AIG1: variants seen among roughly 807,000 people sequenced by gnomAD.
The protein encoded by AIG1 is androgen-induced gene 1 protein.
A neutral mutation model predicts 31.4 loss-of-function variants in AIG1; 23 were observed. The ratio of observed to expected loss-of-function variants is 0.73; its 90% CI spans 0.53 to 1.04. The LOEUF is 1.04. Ranked by LOEUF, AIG1 falls within the 50% of genes least tolerant of loss-of-function variation. The pLI is 0.00. For missense variants in AIG1, 274 were observed against 295.0 expected (o/e 0.93, Z 0.52); for synonymous variants, 100 against 110.5 (o/e 0.90, Z 0.60).
At chr6:143,202,683 C>A (rs1335272184) in intron 3 of AIG1, among the ~76,000 whole-genome samples, 3 of 152,098 alleles carry the variant, frequency 2.0e-5, no homozygotes, top group Non-Finnish European at 4.4e-5. Flanking sequence ...GTTCTGCATT[C>A]CCTCGTGCCC....
In AIG1 at chr6:143,186,254, A is replaced by C. The variant is rs17591022; in HGVS notation, c.399+21071A>C. Among the ~76,000 whole-genome samples the C allele has an allele frequency of 3.2e-3, 489 of 152,380 alleles. 13 individuals carry two copies. In the East Asian group the frequency reaches 0.062, roughly 19 times the overall value. On this transcript the variant is annotated intron_variant, in intron 3 of 5. Coordinates refer to ENST00000357847, the MANE Select transcript of AIG1 (RefSeq NM_016108.4). The stretch of plus-strand genomic sequence containing the variant: ...CATTATATTTCACCAAACATATTTC[A>C]TTAAGTCACTGATAAACATTCCTGG...
rs1012121174 is a variant in AIG1, at chr6:143,305,676, C to T, written c.515+21451C>T. ...GGTCAATTTTGGAATAGGTGTGGTG[C>T]GGTGCTGAAAAAAATGTATATTCTG... On this transcript the variant is annotated intron_variant, in intron 4 of 5. Transcript: ENST00000357847. Among the ~76,000 whole-genome samples the T allele has an allele frequency of 1.1e-3, 161 of 151,968 alleles. 1 individual carries two copies. Among genetic ancestry groups the T allele is most frequent in the African/African-American group, 3.5e-3 (146 of 41,408 alleles).
At chr6:143,248,914 C>A (rs1794798465) in intron 3 of AIG1, among the ~76,000 whole-genome samples, 1 of 152,156 alleles carries the variant, frequency 6.6e-6, no homozygotes, top group African/African-American at 2.4e-5. Flanking sequence ...AACAAAACAA[C>A]CCTGTCACCT....
At chr6:143,337,660 G>A (rs955029248) in intron 5 of AIG1, among the ~76,000 whole-genome samples, 8 of 152,132 alleles carry the variant, frequency 5.3e-5, no homozygotes, top group Admixed American at 3.9e-4. Context: ...GTAGGCAAGC[G>A]GGGAGACAGG....
chr6:143,166,978 T>C (rs1787025617), intron 3 of AIG1, among the ~76,000 whole-genome samples: 1 of 152,184 alleles, frequency 6.6e-6, no homozygotes, highest in African/African-American at 2.4e-5. Flanking sequence ...AACAGTTACA[T>C]TGTATAGCTT....
chr6:143,118,260 A>G (rs747991436), intron 1 of AIG1, among the ~76,000 whole-genome samples: 15 of 152,134 alleles, frequency 9.9e-5, no homozygotes, highest in Admixed American at 6.5e-4. Flanking sequence ...GGAGATCGAG[A>G]GCATCCTGGC....
chr6:143,124,770 T>A (rs373137789), intron 1 of AIG1, among the ~76,000 whole-genome samples: 24 of 152,054 alleles, frequency 1.6e-4, no homozygotes, highest in African/African-American at 5.6e-4. Context: ...CAGGAGTGGG[T>A]GCAAGTGGGG....
At chr6:143,231,441 A>G (rs1460845263) in intron 3 of AIG1, among the ~76,000 whole-genome samples, 1 of 152,212 alleles carries the variant, frequency 6.6e-6, no homozygotes, top group Non-Finnish European at 1.5e-5. Flanking sequence ...GCTTCCCAGA[A>G]GAGGTGATAC....
At chr6:143,295,433 C>T (rs1385978456) in intron 4 of AIG1, among the ~76,000 whole-genome samples, 1 of 152,152 alleles carries the variant, frequency 6.6e-6, no homozygotes, top group Non-Finnish European at 1.5e-5. Context: ...TTTTAGGGGG[C>T]CCTGCATTAC....
At chr6:143,091,804 A>C (rs1779330216) in intron 1 of AIG1, among the ~76,000 whole-genome samples, 1 of 152,226 alleles carries the variant, frequency 6.6e-6, no homozygotes, top group South Asian at 2.1e-4. Flanking sequence ...TCCCTAATTC[A>C]TTCCAGGAAG....
rs1411420229 is a variant in AIG1, at chr6:143,256,522, G to A, written c.400-27588G>A. The stretch of plus-strand genomic sequence containing the variant: ...CAGGTTTAGACATTTTTCTTGCACA[G>A]TGATTTTCAAATGTTTCTTTAGTTA... On this transcript the variant is annotated intron_variant, in intron 3 of 5. Coordinates refer to ENST00000357847, the MANE Select transcript of AIG1 (RefSeq NM_016108.4). The surrounding 1 kb of genome is among the most constrained non-coding windows in gnomAD (Gnocchi z 4.6). 6.6e-6 allele frequency among the ~76,000 whole-genome samples: 1 copy of A among 152,200 alleles called. No individual in the cohort carries two copies. The highest frequency in any genetic ancestry group is 1.5e-5 in the Non-Finnish European group (1 of 68,036).
intron 1 of AIG1, among the ~76,000 whole-genome samples, chr6:143,127,695 GT>G (rs200758107): frequency 0.016 from 2,390 of 147,726 alleles, 81 homozygotes; most frequent in East Asian, 0.12. Context: ...GACCTTTCTT[GT>G]TTTTTTTTTG....
At chr6:143,286,157 G>C (rs966012763) in intron 4 of AIG1, among the ~76,000 whole-genome samples, 1 of 151,880 alleles carries the variant, frequency 6.6e-6, no homozygotes, top group Non-Finnish European at 1.5e-5. Context: ...GCATCTTGTA[G>C]AGCCCCAGAG....
intron 4 of AIG1, among the ~76,000 whole-genome samples, chr6:143,308,140 C>T (rs1015831402): frequency 6.6e-6 from 1 of 152,244 alleles, no homozygotes; most frequent in Non-Finnish European, 1.5e-5. Flanking sequence ...AAGGGAACTC[C>T]CTGACCCCTT....
chr6:143,157,804 A>T (rs1417796671), intron 2 of AIG1, among the ~76,000 whole-genome samples: 1 of 152,112 alleles, frequency 6.6e-6, no homozygotes, highest in East Asian at 1.9e-4. Context: ...ATCATGAATT[A>T]TACCTATTGG....
At chr6:143,191,905 A>G (rs921373123) in intron 3 of AIG1, among the ~76,000 whole-genome samples, 1 of 143,018 alleles carries the variant, frequency 7.0e-6, no homozygotes, top group South Asian at 2.3e-4. Flanking sequence ...AACTGGAAAC[A>G]TGTTTCCCCA....
intron 3 of AIG1, among the ~76,000 whole-genome samples, chr6:143,208,593 A>G (rs566759325): frequency 9.9e-5 from 15 of 152,210 alleles, no homozygotes; most frequent in Non-Finnish European, 1.8e-4. Context: ...GAGGAAGAAT[A>G]GCATTTGTCA....
intron 1 of AIG1, among the ~76,000 whole-genome samples, chr6:143,090,611 T>C (rs9484702): frequency 0.014 from 2,126 of 152,364 alleles, 46 homozygotes; most frequent in African/African-American, 0.048. Flanking sequence ...GTTTACACTT[T>C]ACTGTAATCT....
chr6:143,302,866 C>T (rs1311166981), intron 4 of AIG1, among the ~76,000 whole-genome samples: 1 of 152,296 alleles, frequency 6.6e-6, no homozygotes, highest in African/African-American at 2.4e-5. Context: ...GCCTATTTCT[C>T]CACATCCTCT....
Sources: gnomAD v4.1 joint callset for allele counts (sites outside exome capture counted in the v4.1 genomes callset) on GRCh38, gnomAD v4.1.1 for gene constraint, Gnocchi (gnomAD v3.1) non-coding constraint, MANE v1.5 for transcripts, NCBI Gene and HGNC (gene_info 2026-07-23, HGNC 2026-07-21) for gene names.